Variants in KIF6 observed in about 807,000 individuals in gnomAD.
KIF6 encodes kinesin-like protein KIF6.
KIF6 carries 106 observed loss-of-function variants against 112.7 expected under a neutral mutation model. The observed-to-expected ratio is 0.94, with a 90% confidence interval of 0.80 to 1.11. The LOEUF (loss-of-function observed/expected upper bound fraction) is 1.11. Among genes scored for constraint, KIF6 ranks in the 50% least tolerant of loss-of-function variants. KIF6 has a pLI of 0.00. For synonymous variants in KIF6, 339 were observed against 339.9 expected (o/e 1.00, Z 0.03); for missense variants, 929 against 964.0 (o/e 0.96, Z 0.48).
At chr6:39,551,915 A>T (rs1779404539) in intron 10 of KIF6, among the ~76,000 whole-genome samples, 1 of 152,248 alleles carries the variant, frequency 6.6e-6, no homozygotes, top group South Asian at 2.1e-4. Flanking sequence ...AAGAGAGAAT[A>T]CGCCTGGCCT....
At chr6:39,443,093 G>A (rs185276759) in intron 13 of KIF6, among the ~76,000 whole-genome samples, 4 of 147,980 alleles carry the variant, frequency 2.7e-5, no homozygotes, top group South Asian at 4.3e-4. Flanking sequence ...CAGCCTGGGC[G>A]ACAGAGTGAG....
intron 13 of KIF6, among the ~76,000 whole-genome samples, chr6:39,501,365 G>A (rs529957184): frequency 6.6e-6 from 1 of 152,312 alleles, no homozygotes; most frequent in African/African-American, 2.4e-5. Context: ...AGCCCACAAA[G>A]ATAAGAAAGA....
At chr6:39,344,248 C>T (rs566153270) in intron 21 of KIF6, among the ~76,000 whole-genome samples, 3 of 152,300 alleles carry the variant, frequency 2.0e-5, no homozygotes, top group African/African-American at 7.2e-5. Flanking sequence ...TGGCTGCCAC[C>T]ATGTAAGACG....
intron 3 of KIF6, among the ~76,000 whole-genome samples, chr6:39,647,294 T>C (rs531849483): frequency 3.3e-5 from 5 of 152,240 alleles, no homozygotes; most frequent in African/African-American, 1.2e-4. Flanking sequence ...ATAGTAGACT[T>C]TGAGAGGTCT....
chr6:39,704,689 A>T (rs1421803592), intron 3 of KIF6, among the ~76,000 whole-genome samples: 1 of 152,190 alleles, frequency 6.6e-6, no homozygotes, highest in Non-Finnish European at 1.5e-5. Context: ...GCTAATAAGT[A>T]TTAAAGTTGG....
intron 4 of KIF6, 23 bp downstream of exon 4, chr6:39,639,587 G>T: frequency 1.3e-6 from 2 of 1,524,202 alleles, no homozygotes; most frequent in Non-Finnish European, 1.8e-6. Flanking sequence ...AATACAAAAT[G>T]ATATGAACGA....
chr6:39,355,527 G>A lies in KIF6; in HGVS notation c.2180+1750C>T, dbSNP rs185277653. 2.5e-3 allele frequency among the ~76,000 whole-genome samples: 368 copies of A among 146,266 alleles called. 3 individuals are homozygous for A. Among genetic ancestry groups the A allele is most frequent in the African/African-American group, 9.0e-3 (353 of 39,116 alleles). On this transcript the variant is annotated intron_variant, in intron 19 of 22. Coordinates refer to ENST00000287152, the MANE Select transcript of KIF6 (RefSeq NM_145027.6). ...CGCCCAGGCTGGAGTGCAGTGGTGC[G>A]ATCTCGGCTCACTGCAACCTCCACC...
intron 13 of KIF6, among the ~76,000 whole-genome samples, chr6:39,484,356 T>C (rs1774989389): frequency 6.6e-6 from 1 of 151,892 alleles, no homozygotes. Flanking sequence ...TTCAAGGAGA[T>C]TACAGTTCAG....
chr6:39,464,330 C>T (rs906651051), intron 13 of KIF6, among the ~76,000 whole-genome samples: 1 of 152,160 alleles, frequency 6.6e-6, no homozygotes, highest in Non-Finnish European at 1.5e-5. Flanking sequence ...TTTATTTTGG[C>T]TGCTAAGTAT....
chr6:39,542,529 T>C lies in KIF6; in HGVS notation c.1426+2026A>G, dbSNP rs529522617. Among the ~76,000 whole-genome samples the C allele has an allele frequency of 3.0e-4, 46 of 152,328 alleles. 1 individual carries two copies. The South Asian group carries it at 9.1e-3, about 30-fold the overall frequency. ...TTTCCTGGAAGCCATATCTTTCCCA[T>C]TTGTTGTGTCACAGTCTTAGCCTTC... On this transcript the variant is annotated intron_variant, in intron 12 of 22. Coordinates refer to ENST00000287152, the MANE Select transcript of KIF6 (RefSeq NM_145027.6).
intron 3 of KIF6, among the ~76,000 whole-genome samples, chr6:39,697,099 C>T (rs60649205): frequency 0.08 from 12,120 of 152,090 alleles, 513 homozygotes; most frequent in Middle Eastern, 0.11. Context: ...TAACCCAAAG[C>T]GGAGGTTTAT....
At chr6:39,526,927 G>A (rs776593708) in intron 13 of KIF6, among the ~76,000 whole-genome samples, 4 of 152,162 alleles carry the variant, frequency 2.6e-5, no homozygotes, top group Non-Finnish European at 4.4e-5. Context: ...CTTAAGGCCT[G>A]CAACAAAGCA....
At chr6:39,602,687 T>C (rs1369598575) in intron 6 of KIF6, among the ~76,000 whole-genome samples, 1 of 152,204 alleles carries the variant, frequency 6.6e-6, no homozygotes, top group Non-Finnish European at 1.5e-5. Context: ...ATTAGAACTA[T>C]TTGAAACAGC....
At chr6:39,600,694 T>C (rs1782521927) in intron 6 of KIF6, among the ~76,000 whole-genome samples, 1 of 152,128 alleles carries the variant, frequency 6.6e-6, no homozygotes, top group South Asian at 2.1e-4. Flanking sequence ...AAAATAGGTG[T>C]GTCCTAAGCT....
At chr6:39,410,080 G>A (rs1016912177) in intron 15 of KIF6, among the ~76,000 whole-genome samples, 5 of 152,204 alleles carry the variant, frequency 3.3e-5, no homozygotes, top group Non-Finnish European at 5.9e-5. Flanking sequence ...AGAGAGTGCC[G>A]AGAGGGCCTC....
chr6:39,356,127 CA>C (rs1490990876), intron 19 of KIF6, among the ~76,000 whole-genome samples: 1 of 151,866 alleles, frequency 6.6e-6, no homozygotes, highest in Non-Finnish European at 1.5e-5. Flanking sequence ...GCATGCTAGT[CA>C]GTATTTTGTA....
intron 13 of KIF6, among the ~76,000 whole-genome samples, chr6:39,450,622 T>C (rs890294298): frequency 6.6e-6 from 1 of 151,970 alleles, no homozygotes; most frequent in Non-Finnish European, 1.5e-5. Flanking sequence ...CTGGGCAACA[T>C]GGTGAAACCC....
intron 5 of KIF6, among the ~76,000 whole-genome samples, chr6:39,615,812 T>C (rs1783488084): frequency 6.6e-6 from 1 of 152,068 alleles, no homozygotes; most frequent in African/African-American, 2.4e-5. Context: ...ATAGGCAAGG[T>C]CACTGAAAAT....
In KIF6 at chr6:39,360,538, G is replaced by T. The variant is rs752729007; in HGVS notation, c.1947-8C>A. ...GTGAACATTGTTTTATACCTGCGGT[G>T]GAATCGGGGAAGAGTCAGGGCACTG... is the stretch of plus-strand genomic sequence containing the variant. On this transcript the variant is annotated splice_region_variant and splice_polypyrimidine_tract_variant and intron_variant, in intron 17 of 22. Transcript: ENST00000287152. 74 of 1,614,076 alleles carry T rather than the reference G, an allele frequency of 4.6e-5. No homozygotes were observed. The highest frequency in any genetic ancestry group is 5.6e-5 in the Non-Finnish European group (66 of 1,180,020).
Sources: allele counts gnomAD v4.1 joint callset (sites outside exome capture counted in the v4.1 genomes callset), GRCh38; gene constraint gnomAD v4.1.1; transcripts MANE v1.5; gene names NCBI Gene and HGNC (gene_info 2026-07-23, HGNC 2026-07-21).